The following METTL21A variants were observed in gnomAD, a reference collection of about 807,000 sequenced individuals.
The protein encoded by METTL21A is protein N-lysine methyltransferase METTL21A.
A neutral mutation model predicts 20.9 loss-of-function variants in METTL21A; 22 were observed. That is an observed-to-expected ratio of 1.05 (90% CI 0.75 to 1.50). The LOEUF is 1.50. Ranked by LOEUF, METTL21A falls within the 40% of genes most tolerant of loss-of-function variation. The probability of loss-of-function intolerance (pLI) is 0.00; values close to 1 mark genes in which losing one functional copy is unlikely to be tolerated. For synonymous variants in METTL21A, 93 were observed against 102.0 expected, an observed-to-expected ratio of 0.91 and a Z score of 0.53; for missense variants, 271 against 266.8, an observed-to-expected ratio of 1.02 and a Z score of -0.11.
chr2:207,587,132 G>A (rs1375802756), intron 3 of METTL21A, among the ~76,000 whole-genome samples: 1 of 152,086 alleles, frequency 6.6e-6, no homozygotes, highest in African/African-American at 2.4e-5. Flanking sequence ...GGTGGCTCAC[G>A]CCTGTAATCC....
chr2:207,600,613 C>A (rs1250161727), intron 3 of METTL21A: 2 of 211,804 alleles, frequency 9.4e-6, no homozygotes, highest in Non-Finnish European at 1.9e-5. Context: ...CTGATTTTTT[C>A]AAAAATCATC....
rs2083645028 is a variant in METTL21A at position 207,585,422 on chromosome 2, C to T, written c.260-3262G>A. Among the ~76,000 whole-genome samples the T allele has an allele frequency of 2.6e-5, 4 of 152,158 alleles. No homozygotes were observed. In the South Asian group the frequency reaches 6.2e-4, roughly 24 times the overall value. ...CCCTACCCAGCTAACACTACAGCTA[C>T]ATCTACAGTAAAAGTCTTTCTCTAC... On this transcript the variant is annotated intron_variant, in intron 3 of 3. Coordinates refer to the METTL21A transcript ENST00000425132.
At position 207,614,000 on chromosome 2, in the gene METTL21A, G is replaced by A. The variant is rs561373053; in HGVS notation, c.260-557C>T. On this transcript the variant is annotated intron_variant, in intron 3 of 3. Transcript: ENST00000406927. ...AAAAAGTAGAATTAACCAGTGACAC[G>A]GCTGATGCTTCTGAATTCTGCCAAC... 5.3e-5 allele frequency among the ~76,000 whole-genome samples: 8 copies of A among 152,252 alleles called. No homozygotes were observed. The East Asian group carries it at 5.8e-4, about 11-fold the overall frequency.
chr2:207,603,995 T>C (rs2087601357), intron 3 of METTL21A, among the ~76,000 whole-genome samples: 2 of 152,240 alleles, frequency 1.3e-5, no homozygotes. Flanking sequence ...ATTGGAAGGC[T>C]TAATGAATTT....
intron 3 of METTL21A, among the ~76,000 whole-genome samples, chr2:207,592,035 G>A (rs2085140350): frequency 6.6e-6 from 1 of 152,034 alleles, no homozygotes; most frequent in Admixed American, 6.5e-5. Context: ...TAGATCTTCT[G>A]GCAATGAATT....
intron 2 of METTL21A, among the ~76,000 whole-genome samples, chr2:207,623,032 C>T (rs565202104): frequency 8.5e-5 from 13 of 152,156 alleles, no homozygotes; most frequent in Admixed American, 2.6e-4. Flanking sequence ...CTCAGCCTTC[C>T]GAGTAGCTAG....
In METTL21A at chr2:207,621,924, G is replaced by A; in HGVS notation, c.148-7C>T. On this transcript the variant is annotated splice_polypyrimidine_tract_variant and splice_region_variant and intron_variant, in intron 2 of 3. Coordinates refer to ENST00000406927, the Ensembl canonical transcript of METTL21A. The stretch of plus-strand genomic sequence containing the variant: ...ATGTGGAAAGAACGATGGCCTGAAT[G>A]AAAACACAGTGTGATGACGATTAAG... 6.2e-7 allele frequency: 1 copy of A among 1,611,946 alleles called. No individual in the cohort carries two copies. The highest frequency in any genetic ancestry group is 8.5e-7 in the Non-Finnish European group (1 of 1,178,110).
intron 3 of METTL21A, among the ~76,000 whole-genome samples, chr2:207,619,335 CA>C (rs1202770994): frequency 1.3e-5 from 2 of 151,942 alleles, no homozygotes; most frequent in African/African-American, 2.4e-5. Flanking sequence ...ACTAAGGTTA[CA>C]AAAAGAGAAT....
At chr2:207,606,528 C>T (rs1037884433), downstream of METTL21A, among the ~76,000 whole-genome samples, 2 of 152,126 alleles carry the variant, frequency 1.3e-5, no homozygotes, top group Admixed American at 6.6e-5. Context: ...AAGGACTGTC[C>T]GGTGTCATGC....
intron 3 of METTL21A, among the ~76,000 whole-genome samples, chr2:207,593,451 G>A (rs2085467265): frequency 6.6e-6 from 1 of 152,162 alleles, no homozygotes; most frequent in African/African-American, 2.4e-5. Context: ...GATCACTTGA[G>A]CCTGGGAGGT....
At chr2:207,613,399 G>A in exon 4 of METTL21A, 1 of 1,606,478 alleles carries the variant, frequency 6.2e-7, no homozygotes, top group Non-Finnish European at 8.5e-7. Flanking sequence ...TTTGATTTAA[G>A]AAATTCTAAT....
At chr2:207,584,422 G>A (rs34903544) in intron 3 of METTL21A, among the ~76,000 whole-genome samples, 19,316 of 151,156 alleles carry the variant, frequency 0.13, 1,641 homozygotes, top group Middle Eastern at 0.2. Flanking sequence ...TTTTTGAGAC[G>A]GAGTCTCCCT....
At chr2:207,607,065 T>C (rs2088219483), downstream of METTL21A, among the ~76,000 whole-genome samples, 1 of 152,078 alleles carries the variant, frequency 6.6e-6, no homozygotes, top group Non-Finnish European at 1.5e-5. Context: ...AACTCCCTTT[T>C]TGAACAGGGT....
Position 207,582,194 on chromosome 2 carries a change from A to G in METTL21A, c.260-34T>C, listed in dbSNP as rs955083897. On this transcript the variant is annotated intron_variant, in intron 3 of 3. Coordinates refer to the METTL21A transcript ENST00000425132. ...GAGAATATGAAAGAAATTTGTGGTC[A>G]TATGTTAAAACCACCACAGTAATTA... The G allele has an allele frequency of 8.5e-6, 6 of 702,884 alleles. No homozygotes were observed. The African/African-American group carries it at 1.0e-4, about 12-fold the overall frequency. 43.5% of individuals were successfully genotyped at this position (702,884 alleles called of 1,614,324 possible).
intron 3 of METTL21A, chr2:207,597,248 C>T (rs941982271): frequency 3.9e-6 from 2 of 515,554 alleles, no homozygotes; most frequent in Non-Finnish European, 6.3e-6. Context: ...CACCTGCCTC[C>T]ACTTCTCCCC....
At chr2:207,605,924 A>AAG (rs1559102689), downstream of METTL21A, among the ~76,000 whole-genome samples, 1 of 152,162 alleles carries the variant, frequency 6.6e-6, no homozygotes, top group Non-Finnish European at 1.5e-5. Context: ...GTTGATTACT[A>AAG]TTTTTATGTC....
At chr2:207,606,706 AT>A (rs1389523309), downstream of METTL21A, among the ~76,000 whole-genome samples, 3 of 152,162 alleles carry the variant, frequency 2.0e-5, no homozygotes, top group East Asian at 5.8e-4. Flanking sequence ...ACTAACACAA[AT>A]TACAAGTCTG....
chr2:207,621,669 G>T, intron 3 of METTL21A, 137 bp downstream of exon 3: 1 of 694,234 alleles, frequency 1.4e-6, no homozygotes, highest in Non-Finnish European at 2.5e-6. Flanking sequence ...CCCAGCAGTT[G>T]GCCCACAACT....
chr2:207,604,142 C>T (rs1424769534), downstream of METTL21A, among the ~76,000 whole-genome samples: 2 of 152,210 alleles, frequency 1.3e-5, no homozygotes, highest in South Asian at 2.1e-4. Flanking sequence ...CACCCTGCCA[C>T]GTTCAGGTGC....
Sources: gnomAD v4.1 joint callset for allele counts (sites outside exome capture counted in the v4.1 genomes callset) on GRCh38, gnomAD v4.1.1 for gene constraint, MANE v1.5 for transcripts, NCBI Gene and HGNC (gene_info 2026-07-23, HGNC 2026-07-21) for gene names.